AP3B1: variants seen among roughly 807,000 people sequenced by gnomAD.
AP3B1 encodes the protein adaptor related protein complex 3 subunit beta 1.
In AP3B1, 61 loss-of-function variants were observed where a neutral mutation model predicts 132.5. The ratio of observed to expected loss-of-function variants is 0.46; its 90% CI spans 0.37 to 0.57. AP3B1 has a LOEUF of 0.57. AP3B1 is among the 20% of genes least tolerant of loss of function. The probability of loss-of-function intolerance (pLI) is 0.00; values close to 1 mark genes in which losing one functional copy is unlikely to be tolerated. For missense variants in AP3B1, 1,120 were observed against 1,289.4 expected, an observed-to-expected ratio of 0.87 and a Z score of 2.01; for synonymous variants, 388 against 438.3, an observed-to-expected ratio of 0.89 and a Z score of 1.43.
At chr5:78,213,579 C>G (rs1238502747) in intron 7 of AP3B1, among the ~76,000 whole-genome samples, 1 of 152,094 alleles carries the variant, frequency 6.6e-6, no homozygotes, top group Non-Finnish European at 1.5e-5. Context: ...AAACGAGACC[C>G]TCAAATAGCA....
intron 14 of AP3B1, among the ~76,000 whole-genome samples, 176 bp downstream of exon 14, chr5:78,156,082 T>C (rs1042681531): frequency 1.3e-5 from 2 of 152,314 alleles, no homozygotes; most frequent in Admixed American, 6.5e-5. Flanking sequence ...ATTCTATCCT[T>C]TCCCCTATTC....
chr5:78,097,508 TG>T (rs771400532), intron 21 of AP3B1, among the ~76,000 whole-genome samples: 1,288 of 56,332 alleles, frequency 0.023, 63 homozygotes, highest in Admixed American at 0.068. Context: ...GGGAGGGAGG[TG>T]GGGGGGTCAG....
rs889594845 is a variant in AP3B1 at position 78,129,388 on chromosome 5, T to C, written c.1651-81A>G. ...CTCTGGATAAACATATTTAAAGAGG[T>C]AATAAAAATGAATGGTTATGTCAAA... is the stretch of plus-strand genomic sequence containing the variant. On this transcript the variant is annotated intron_variant, in intron 15 of 26. Transcript: ENST00000255194. The C allele has an allele frequency of 4.1e-5, 49 of 1,184,902 alleles. No homozygotes were observed. In the African/African-American group the frequency reaches 4.7e-4, roughly 11 times the overall value. 73.4% of individuals were successfully genotyped at this position (1,184,902 alleles called of 1,614,324 possible).
At chr5:78,087,404 A>G (rs1462952573) in intron 22 of AP3B1, 1 of 422,100 alleles carries the variant, frequency 2.4e-6, no homozygotes, top group Non-Finnish European at 3.2e-6. Context: ...ATGTGCTATT[A>G]GGAGCCATGA....
chr5:78,272,051 C>A (rs1580574185), intron 1 of AP3B1, among the ~76,000 whole-genome samples: 1 of 152,208 alleles, frequency 6.6e-6, no homozygotes, highest in South Asian at 2.1e-4. Flanking sequence ...TCTCTAAAGG[C>A]AGCCACCTAA....
At chr5:78,175,585 C>T (rs116706806) in intron 11 of AP3B1, 41 bp downstream of exon 11, 113 of 1,513,630 alleles carry the variant, frequency 7.5e-5, no homozygotes, top group Non-Finnish European at 9.7e-5. Context: ...CTCTTCAAAA[C>T]AAATGTGTTA....
At chr5:78,093,143 G>A (rs1750603372) in intron 21 of AP3B1, among the ~76,000 whole-genome samples, 1 of 152,302 alleles carries the variant, frequency 6.6e-6, no homozygotes, top group South Asian at 2.1e-4. Flanking sequence ...CTGTTAAACA[G>A]AATTTGTTCT....
chr5:78,120,533 G>A (rs1752125341), intron 17 of AP3B1, among the ~76,000 whole-genome samples: 1 of 152,022 alleles, frequency 6.6e-6, no homozygotes, highest in Non-Finnish European at 1.5e-5. Flanking sequence ...AAAAGGCAGG[G>A]GTTGCAATCC....
intron 2 of AP3B1, among the ~76,000 whole-genome samples, chr5:78,244,012 C>T (rs1053735052): frequency 6.6e-6 from 1 of 152,132 alleles, no homozygotes; most frequent in Admixed American, 6.5e-5. Context: ...CAGAAGGCTA[C>T]AGCAATTATG....
chr5:78,104,504 G>A (rs1751254092), intron 20 of AP3B1, among the ~76,000 whole-genome samples: 1 of 151,930 alleles, frequency 6.6e-6, no homozygotes, highest in Non-Finnish European at 1.5e-5. Flanking sequence ...GAGAGGCAAG[G>A]CTTTGCATTA....
At chr5:78,003,206 C>T (rs1256816909) in intron 26 of AP3B1, 151 bp from the exon 27 acceptor site, 1 of 902,614 alleles carries the variant, frequency 1.1e-6, no homozygotes, top group African/African-American at 1.7e-5. Context: ...GCCAAGCATT[C>T]TTCTGAAAAA....
intron 21 of AP3B1, among the ~76,000 whole-genome samples, chr5:78,097,438 C>T (rs1750900302): frequency 7.5e-6 from 1 of 133,918 alleles, no homozygotes; most frequent in African/African-American, 2.8e-5. Context: ...AGGGGTGCCT[C>T]TGCCCGGCCG....
At chr5:78,273,448 A>C (rs373904900) in intron 1 of AP3B1, among the ~76,000 whole-genome samples, 1 of 152,166 alleles carries the variant, frequency 6.6e-6, no homozygotes, top group Admixed American at 6.5e-5. Context: ...TTTTTCCCTC[A>C]GTACATTTCC....
At chr5:78,242,474 T>G (rs1033184303) in intron 2 of AP3B1, among the ~76,000 whole-genome samples, 3 of 152,206 alleles carry the variant, frequency 2.0e-5, no homozygotes, top group African/African-American at 7.2e-5. Context: ...TGGCACAATC[T>G]TGGCTCACTG....
chr5:78,187,219 A>AAGTTCTGTTAAGTTCTG (rs1744639593), intron 7 of AP3B1, among the ~76,000 whole-genome samples: 1 of 152,148 alleles, frequency 6.6e-6, no homozygotes, highest in East Asian at 1.9e-4. Context: ...TGTTAAGTAC[A>AAGTTCTGTTAAGTTCTG]TTAATAAACC....
chr5:78,143,142 T>C (rs573222101), intron 14 of AP3B1, among the ~76,000 whole-genome samples: 1 of 152,236 alleles, frequency 6.6e-6, no homozygotes, highest in Middle Eastern at 3.4e-3. Context: ...TTCTATGACA[T>C]ACCATAATCT....
At chr5:78,031,713 C>T (rs968831931) in intron 24 of AP3B1, among the ~76,000 whole-genome samples, 2 of 152,156 alleles carry the variant, frequency 1.3e-5, no homozygotes, top group African/African-American at 2.4e-5. Context: ...TTTTCCCCCA[C>T]GAGTGTTTTA....
intron 1 of AP3B1, among the ~76,000 whole-genome samples, chr5:78,284,299 G>A (rs977087439): frequency 1.3e-5 from 2 of 152,150 alleles, no homozygotes; most frequent in Non-Finnish European, 2.9e-5. Flanking sequence ...ACAGGTATGT[G>A]TGGAAAGTCC....
intron 2 of AP3B1, among the ~76,000 whole-genome samples, chr5:78,245,553 C>G (rs1747344898): frequency 6.6e-6 from 1 of 152,168 alleles, no homozygotes; most frequent in Non-Finnish European, 1.5e-5. Flanking sequence ...TATACAGACA[C>G]CCCACAAGCC....
Sources: allele counts gnomAD v4.1 joint callset (sites outside exome capture counted in the v4.1 genomes callset), GRCh38; gene constraint gnomAD v4.1.1; transcripts MANE v1.5; gene names NCBI Gene and HGNC (gene_info 2026-07-23, HGNC 2026-07-21).